ARHGEF18: variants seen among roughly 807,000 people sequenced by gnomAD.
ARHGEF18 encodes the protein Rho/Rac guanine nucleotide exchange factor 18, also known as rho guanine nucleotide exchange factor 18.
Under a neutral mutation model 155.7 loss-of-function variants are expected in ARHGEF18, and 93 were observed. That is an observed-to-expected ratio of 0.60 (90% CI 0.50 to 0.71). The LOEUF (loss-of-function observed/expected upper bound fraction) is 0.71, where lower values mean the gene tolerates loss of function less well. Among genes scored for constraint, ARHGEF18 ranks in the 30% least tolerant of loss-of-function variants. The probability of loss-of-function intolerance (pLI) is 0.00; values close to 1 mark genes in which losing one functional copy is unlikely to be tolerated. For synonymous variants in ARHGEF18, 742 were observed against 753.1 expected (o/e 0.99, Z 0.24); for missense variants, 1,593 against 1,816.1 (o/e 0.88, Z 2.23).
chr19:7,395,064 C>A lies in ARHGEF18; in HGVS notation c.967+11861C>A. 1 of 985,500 alleles carries A rather than the reference C, an allele frequency of 1.0e-6. No homozygotes were observed. 61.0% of individuals were successfully genotyped at this position (985,500 alleles called of 1,614,324 possible). ...CTCGAGGGCACGCCTCCTTCCGGGTCACGCCCTCTGCCCCGCCTCCGAGGC... is the reference window on the plus strand; with the variant it reads ...CTCGAGGGCACGCCTCCTTCCGGGTAACGCCCTCTGCCCCGCCTCCGAGGC... On this transcript the variant is annotated intron_variant, in intron 10 of 28. Transcript: ENST00000668164. This position sits in a 1 kb window ranked among gnomAD's most constrained non-coding sequence, Gnocchi z 5.0.
intron 10 of ARHGEF18, 195 bp downstream of exon 10, chr19:7,383,398 AACAG>A (rs1970843731): frequency 2.1e-6 from 1 of 471,934 alleles, no homozygotes; most frequent in South Asian, 1.1e-4. Context: ...CGGGACTGGC[AACAG>A]TCCCTTTAAG....
At chr19:7,388,284 A>T (rs915803280) in intron 10 of ARHGEF18, among the ~76,000 whole-genome samples, 1 of 151,602 alleles carries the variant, frequency 6.6e-6, no homozygotes, top group Non-Finnish European at 1.5e-5. Flanking sequence ...AATAGAGACA[A>T]GGTCTTGCTA....
chr19:7,453,503 T>C lies in ARHGEF18; in HGVS notation c.1892T>C (p.Leu631Ser). ...GACTATGAAGACCTGACCCAGGCCT[T>C]GAACCTCATCAAAGATATCATCTCA... The part of the protein sequence containing the change: ...TEDYEDLTQA[L>S]NLIKDIISQV... Residue 631 changes from leucine to serine, a missense_variant, in exon 17 of 29, where the codon TTG (leucine) becomes TCG (serine). Leu to Ser is a moderately radical substitution (Grantham distance 145). Coordinates refer to ENST00000668164, the MANE Select transcript of ARHGEF18 (RefSeq NM_001367823.1). 6.2e-7 allele frequency: 1 copy of C among 1,613,486 alleles called. No homozygotes were observed. Among genetic ancestry groups the C allele is most frequent in the Non-Finnish European group, 8.5e-7 (1 of 1,179,470 alleles).
chr19:7,351,672 A>G (rs573923632), intron 1 of ARHGEF18, among the ~76,000 whole-genome samples: 77 of 139,832 alleles, frequency 5.5e-4, no homozygotes, highest in African/African-American at 1.6e-3. Context: ...ATCATATGCT[A>G]CTGTATTTTC....
At chr19:7,369,025 C>A (rs1163559121) in intron 2 of ARHGEF18, among the ~76,000 whole-genome samples, 4 of 152,144 alleles carry the variant, frequency 2.6e-5, no homozygotes, top group African/African-American at 9.7e-5. Context: ...AGAGTGAGTC[C>A]TTAGGAAGTT....
intron 10 of ARHGEF18, among the ~76,000 whole-genome samples, chr19:7,398,532 A>G (rs1971850023): frequency 6.6e-6 from 1 of 151,836 alleles, no homozygotes; most frequent in African/African-American, 2.4e-5. Context: ...TCTACTAAGA[A>G]ATACAAAAAT....
Position 7,421,056 on chromosome 19 carries a change from G to A in ARHGEF18, c.968-19288G>A, listed in dbSNP as rs528296244. On this transcript the variant is annotated intron_variant, in intron 10 of 28. Coordinates refer to ENST00000668164, the MANE Select transcript of ARHGEF18 (RefSeq NM_001367823.1). ...AGTGGTCCTTCCACCTCAGCCTCCT[G>A]AGTAGCTGGGTCTGCAGGCGTGTGA... Among the ~76,000 whole-genome samples, 3 of 152,240 alleles carry A rather than the reference G, an allele frequency of 2.0e-5. No individual in the cohort carries two copies. The South Asian group carries it at 6.2e-4, about 32-fold the overall frequency.
chr19:7,434,034 AAAAG>A (rs1428354138), intron 10 of ARHGEF18, among the ~76,000 whole-genome samples: 67 of 147,432 alleles, frequency 4.5e-4, no homozygotes, highest in East Asian at 6.0e-4. Context: ...AAAAAAAAAA[AAAAG>A]AAAAAAAAAG....
chr19:7,405,431 G>A (rs1187413802), intron 10 of ARHGEF18, among the ~76,000 whole-genome samples: 2 of 151,974 alleles, frequency 1.3e-5, no homozygotes, highest in East Asian at 3.9e-4. Flanking sequence ...AGGCTCTAGG[G>A]CCCACCCTAA....
intron 1 of ARHGEF18, among the ~76,000 whole-genome samples, chr19:7,353,453 G>A (rs1969202951): frequency 1.3e-5 from 2 of 151,768 alleles, no homozygotes; most frequent in African/African-American, 4.8e-5. Flanking sequence ...AGCCAGGCAT[G>A]GTAGCGGGCG....
chr19:7,368,383 C>T (rs1201449800), intron 2 of ARHGEF18, among the ~76,000 whole-genome samples: 2 of 152,066 alleles, frequency 1.3e-5, no homozygotes, highest in East Asian at 1.9e-4. Flanking sequence ...AGCAGGGCAG[C>T]GTACGATGCT....
intron 22 of ARHGEF18, 60 bp from the exon 23 acceptor site, chr19:7,464,500 G>A: frequency 1.3e-6 from 2 of 1,554,296 alleles, no homozygotes; most frequent in Admixed American, 1.9e-5. Flanking sequence ...GGTGGACTGG[G>A]AAGCTTCCCC....
chr19:7,432,244 G>A (rs1974009361), intron 10 of ARHGEF18, among the ~76,000 whole-genome samples: 1 of 152,130 alleles, frequency 6.6e-6, no homozygotes, highest in African/African-American at 2.4e-5. Context: ...ACTTCATCTG[G>A]CATCAGATTT....
chr19:7,380,820 C>A, intron 7 of ARHGEF18, 97 bp from the exon 8 acceptor site: 2 of 735,330 alleles, frequency 2.7e-6, no homozygotes, highest in Non-Finnish European at 3.7e-6. Flanking sequence ...GGCTCTTAGA[C>A]GGGGTACCTG....
At chr19:7,409,768 CTTTTTTTT>C (rs916335135) in intron 10 of ARHGEF18, among the ~76,000 whole-genome samples, 1 of 23,090 alleles carries the variant, frequency 4.3e-5, no homozygotes, top group Non-Finnish European at 1.5e-4. Context: ...TTCTTTCTTT[CTTTTTTTT>C]TTTTTTTTAT....
At chr19:7,349,939 C>T (rs1969116832) in intron 1 of ARHGEF18, among the ~76,000 whole-genome samples, 1 of 152,142 alleles carries the variant, frequency 6.6e-6, no homozygotes, top group Non-Finnish European at 1.5e-5. Context: ...TCAAAACAAA[C>T]TCACACTTAA....
At chr19:7,466,829 T>TTA in intron 23 of ARHGEF18, 89 bp from the exon 24 acceptor site, 1 of 900,716 alleles carries the variant, frequency 1.1e-6, no homozygotes, top group Non-Finnish European at 1.5e-6. Flanking sequence ...AAAAAAAAGT[T>TTA]AAAAAAAAAG....
downstream of ARHGEF18, among the ~76,000 whole-genome samples, chr19:7,474,423 C>G (rs1182621741): frequency 6.6e-6 from 1 of 152,120 alleles, no homozygotes; most frequent in African/African-American, 2.4e-5. Flanking sequence ...GTCACCCAGG[C>G]TGGAGTGCAG....
intron 10 of ARHGEF18, among the ~76,000 whole-genome samples, chr19:7,428,234 A>AT (rs1269335008): frequency 1.3e-5 from 2 of 152,070 alleles, no homozygotes. Flanking sequence ...CTTAAAATGC[A>AT]TTTTTTCAGG....
Sources: allele counts gnomAD v4.1 joint callset (sites outside exome capture counted in the v4.1 genomes callset), GRCh38; gene constraint gnomAD v4.1.1; non-coding constraint Gnocchi (gnomAD v3.1); transcripts MANE v1.5; gene names NCBI Gene and HGNC (gene_info 2026-07-23, HGNC 2026-07-21).